Variants in CREB3L2 observed in about 807,000 individuals in gnomAD.
The protein encoded by CREB3L2 is cAMP responsive element binding protein 3 like 2.
Under a neutral mutation model 57.2 loss-of-function variants are expected in CREB3L2, and 23 were observed. The observed-to-expected ratio is 0.40, with a 90% CI of 0.29 to 0.57. The LOEUF is 0.57. Ranked by LOEUF, CREB3L2 falls within the 20% of genes least tolerant of loss-of-function variation. CREB3L2 has a pLI of 0.42. For missense variants in CREB3L2, 628 were observed against 634.7 expected, an observed-to-expected ratio of 0.99 and a Z score of 0.11; for synonymous variants, 268 against 265.1, an observed-to-expected ratio of 1.01 and a Z score of -0.11.
chr7:137,981,231 G>C (rs1801705478), intron 1 of CREB3L2, among the ~76,000 whole-genome samples: 1 of 152,114 alleles, frequency 6.6e-6, no homozygotes, highest in Non-Finnish European at 1.5e-5. Flanking sequence ...AAGGAGAGGA[G>C]GAAAAGGGAG....
At chr7:137,950,699 A>G (rs1470593795) in intron 1 of CREB3L2, among the ~76,000 whole-genome samples, 1 of 150,972 alleles carries the variant, frequency 6.6e-6, no homozygotes, top group African/African-American at 2.5e-5. Flanking sequence ...ACAAAAGGAC[A>G]TATCAGAAAC....
At chr7:137,931,061 G>A (rs1228115906) in intron 1 of CREB3L2, among the ~76,000 whole-genome samples, 1 of 151,852 alleles carries the variant, frequency 6.6e-6, no homozygotes, top group African/African-American at 2.4e-5. Flanking sequence ...GTGAGACACA[G>A]TCTCTACAAA....
chr7:137,898,098 A>G (rs776303491), intron 8 of CREB3L2, among the ~76,000 whole-genome samples: 10 of 152,258 alleles, frequency 6.6e-5, no homozygotes, highest in African/African-American at 1.9e-4. Flanking sequence ...AAATGGGCAA[A>G]GAATCTGAAT....
At chr7:137,975,030 C>G (rs893137869) in intron 1 of CREB3L2, among the ~76,000 whole-genome samples, 8 of 152,174 alleles carry the variant, frequency 5.3e-5, no homozygotes, top group Non-Finnish European at 1.5e-5. Flanking sequence ...ATTTCAGCAT[C>G]AAGCCTTGAA....
chr7:137,878,943 G>C lies in CREB3L2; in HGVS notation c.*1533C>G. Reference sequence around the variant, plus strand: ...GGTGGTGGGGGGAGAGAGAGAAGGAGAGACAGAGAGAGAGAGGGAGAGAGA... The same window carrying C: ...GGTGGTGGGGGGAGAGAGAGAAGGACAGACAGAGAGAGAGAGGGAGAGAGA... On this transcript the variant is annotated 3_prime_UTR_variant, in exon 12 of 12. Coordinates refer to ENST00000330387, the MANE Select transcript of CREB3L2 (RefSeq NM_194071.4). The C allele has an allele frequency of 2.4e-6, 1 of 411,140 alleles. No homozygotes were observed. Among genetic ancestry groups the C allele is most frequent in the Non-Finnish European group, 4.5e-6 (1 of 220,474 alleles). 25.5% of individuals were successfully genotyped at this position (411,140 alleles called of 1,614,324 possible).
chr7:137,958,006 G>T, intron 1 of CREB3L2: 1 of 269,866 alleles, frequency 3.7e-6, no homozygotes, highest in South Asian at 3.6e-5. Context: ...CCCAGGAGCT[G>T]TTCAACTGAA....
At chr7:137,991,810 A>C (rs1299147954) in intron 1 of CREB3L2, among the ~76,000 whole-genome samples, 4 of 151,768 alleles carry the variant, frequency 2.6e-5, no homozygotes, top group Non-Finnish European at 4.4e-5. Context: ...CGGGAGACTG[A>C]GGCACAAGAA....
intron 1 of CREB3L2, among the ~76,000 whole-genome samples, chr7:137,981,302 G>A (rs866244144): frequency 5.3e-5 from 8 of 152,238 alleles, no homozygotes; most frequent in African/African-American, 1.9e-4. Context: ...TTGGGGACTG[G>A]TCAGGGGTAG....
intron 2 of CREB3L2, 107 bp from the exon 3 acceptor site, chr7:137,916,119 A>T: frequency 1.3e-6 from 1 of 770,310 alleles, no homozygotes. Context: ...GTGAAGGATG[A>T]TTGAAAGTAG....
chr7:137,905,929 G>A (rs985324680), intron 5 of CREB3L2, 81 bp from the exon 6 acceptor site: 3 of 1,347,186 alleles, frequency 2.2e-6, no homozygotes, highest in South Asian at 2.8e-5. Flanking sequence ...GGGATGATGA[G>A]AATCTGTTAC....
intron 2 of CREB3L2, among the ~76,000 whole-genome samples, chr7:137,924,812 G>A (rs2117234706): frequency 6.6e-6 from 1 of 152,184 alleles, no homozygotes; most frequent in East Asian, 1.9e-4. Context: ...GTTGGCTCCT[G>A]TGGTGGCTGG....
intron 2 of CREB3L2, among the ~76,000 whole-genome samples, chr7:137,927,454 A>C (rs1409148141): frequency 6.6e-6 from 1 of 151,648 alleles, no homozygotes; most frequent in East Asian, 1.9e-4. Flanking sequence ...GGAGGAAGGG[A>C]GAGAGAAAAA....
chr7:137,987,594 G>A lies in CREB3L2; in HGVS notation c.102+14010C>T, dbSNP rs947768816. On this transcript the variant is annotated intron_variant, in intron 1 of 11. Transcript: ENST00000330387. Reference sequence around the variant, plus strand: ...TGTAATAGCAGGATGCTGATGGTGGGACAGGTTTTGTGTGTTGGGGAGACA... The same window carrying A: ...TGTAATAGCAGGATGCTGATGGTGGAACAGGTTTTGTGTGTTGGGGAGACA... Among the ~76,000 whole-genome samples, 30 of 152,356 alleles carry A rather than the reference G, an allele frequency of 2.0e-4. 1 individual carries two copies. Among genetic ancestry groups the A allele is most frequent in the Admixed American group, 1.8e-3 (28 of 15,304 alleles).
chr7:137,976,406 G>T (rs927786125), intron 1 of CREB3L2, among the ~76,000 whole-genome samples: 7 of 152,222 alleles, frequency 4.6e-5, no homozygotes, highest in African/African-American at 1.7e-4. Flanking sequence ...TTCGTCCAGT[G>T]ATCCTCAAAC....
rs142709745 is a variant in CREB3L2 at position 137,968,973 on chromosome 7, G to A, written c.102+32631C>T. On this transcript the variant is annotated intron_variant, in intron 1 of 11. Transcript: ENST00000330387. ...AACGAAGGAGAAGAATAGGGTCAAGGAAAAAAGTGGATCAGAGGAGAGAGA... is the reference window on the plus strand; with the variant it reads ...AACGAAGGAGAAGAATAGGGTCAAGAAAAAAAGTGGATCAGAGGAGAGAGA... 6.7e-3 allele frequency among the ~76,000 whole-genome samples: 1,024 copies of A among 152,232 alleles called. 17 individuals carry two copies. The highest frequency in any genetic ancestry group is 0.024 in the African/African-American group (987 of 41,536).
rs117164612 is a variant in CREB3L2, at chr7:137,984,108, C to A, written c.102+17496G>T. On this transcript the variant is annotated intron_variant, in intron 1 of 11. Transcript: ENST00000330387. Reference sequence around the variant, plus strand: ...AGCTCCCTTATCTGTGAGATGCAGGCGTCATTCTCAGCCATCTCACAGGTC... The same window carrying A: ...AGCTCCCTTATCTGTGAGATGCAGGAGTCATTCTCAGCCATCTCACAGGTC... Among the ~76,000 whole-genome samples the A allele has an allele frequency of 5.7e-4, 87 of 152,280 alleles. No homozygotes were observed. The East Asian group carries it at 0.015, about 27-fold the overall frequency.
chr7:137,876,884 G>C lies in CREB3L2; in HGVS notation c.*3592C>G, dbSNP rs1246791131. The C allele has an allele frequency of 4.3e-6, 1 of 232,080 alleles. No homozygotes were observed. Among genetic ancestry groups the C allele is most frequent in the Non-Finnish European group, 8.5e-6 (1 of 117,412 alleles). The allele number at this position is 232,080 out of a possible 1,614,324, so 14.4% of individuals were successfully genotyped here. ...GTGTTGGCAAGGTTGGCATGAATGG[G>C]CCATTATTCAACTGGGGGTGGGATG... On this transcript the variant is annotated 3_prime_UTR_variant, in exon 12 of 12. Transcript: ENST00000330387.
At chr7:137,947,989 G>A (rs984006244) in intron 1 of CREB3L2, among the ~76,000 whole-genome samples, 3 of 152,252 alleles carry the variant, frequency 2.0e-5, no homozygotes, top group African/African-American at 4.8e-5. Flanking sequence ...CTGCCACTCT[G>A]CAGCTACCCC....
rs1331800774 is a variant in CREB3L2 at position 137,875,306 on chromosome 7, C to CTCACAGTTTTG, written c.*5159_*5169dup. On this transcript the variant is annotated 3_prime_UTR_variant, in exon 12 of 12. Coordinates refer to ENST00000330387, the MANE Select transcript of CREB3L2 (RefSeq NM_194071.4). ...GCTCAGCATTGTTTAAAAAGGGTCA[C>CTCACAGTTTTG]TCACAGTTTTGTCAAAGAGTGCTGG... is the stretch of plus-strand genomic sequence containing the variant. 1 of 218,246 alleles carries CTCACAGTTTTG rather than the reference C, an allele frequency of 4.6e-6. No homozygotes were observed. The highest frequency in any genetic ancestry group is 5.8e-5 in the Admixed American group (1 of 17,228). The allele number at this position is 218,246 out of a possible 1,614,324, so 13.5% of individuals were successfully genotyped here. A position where few individuals can be genotyped will look rare whatever the true frequency, so the allele number is the denominator to read the frequency against.
Sources: gnomAD v4.1 joint callset for allele counts (sites outside exome capture counted in the v4.1 genomes callset) on GRCh38, gnomAD v4.1.1 for gene constraint, MANE v1.5 for transcripts, NCBI Gene and HGNC (gene_info 2026-07-23, HGNC 2026-07-21) for gene names.